Variants in NT5C3B observed in about 807,000 individuals in gnomAD.
NT5C3B encodes the protein 7-methylguanosine phosphate-specific 5'-nucleotidase.
A neutral mutation model predicts 32.5 loss-of-function variants in NT5C3B; 28 were observed. The ratio of observed to expected loss-of-function variants is 0.86; its 90% CI spans 0.64 to 1.18. The LOEUF (loss-of-function observed/expected upper bound fraction) is 1.18, where lower values mean the gene tolerates loss of function less well. Among genes scored for constraint, NT5C3B ranks in the 50% most tolerant of loss-of-function variants. The pLI is 0.00. For missense variants in NT5C3B, 317 were observed against 322.0 expected, an observed-to-expected ratio of 0.98 and a Z score of 0.12; for synonymous variants, 138 against 118.0, an observed-to-expected ratio of 1.17 and a Z score of -1.10.
intron 8 of NT5C3B, among the ~76,000 whole-genome samples, chr17:41,826,719 G>A (rs902582149): frequency 1.3e-5 from 2 of 151,694 alleles, no homozygotes; most frequent in African/African-American, 4.8e-5. Context: ...ATTTTATTTA[G>A]GCTGGGCGTG....
At chr17:41,835,736 G>A (rs1865841) in intron 2 of NT5C3B, 123 bp downstream of exon 2, 779,001 of 1,024,680 alleles carry the variant, frequency 0.76, 297,632 homozygotes, top group Admixed American at 0.86. Flanking sequence ...TCAAGCTCCC[G>A]GCCATTTCTT....
In NT5C3B at chr17:41,828,867, C is replaced by T; in HGVS notation, c.490G>A (p.Glu164Lys). The T allele has an allele frequency of 6.2e-7, 1 of 1,613,860 alleles. No individual in the cohort carries two copies. The highest frequency in any genetic ancestry group is 1.3e-5 in the African/African-American group (1 of 75,014). Residue 164 changes from glutamate (E) to lysine (K), a missense_variant, in exon 7 of 9, where the codon GAA (glutamate) becomes AAA (lysine). Coordinates refer to ENST00000435506, the MANE Select transcript of NT5C3B (RefSeq NM_052935.5). ...IFSAGIGDIL[E>K]EIIRQMKVFH... ...ACTTTCATCTGTCGGATAATTTCTTCCAGGATATCACCAATGCCCGCAGAA... is the reference window on the plus strand; with the variant it reads ...ACTTTCATCTGTCGGATAATTTCTTTCAGGATATCACCAATGCCCGCAGAA...
Position 41,830,789 on chromosome 17 carries a change from C to A in NT5C3B, c.404+12G>T. On this transcript the variant is annotated intron_variant, in intron 6 of 8. Coordinates refer to ENST00000435506, the MANE Select transcript of NT5C3B (RefSeq NM_052935.5). ...AGTCTGATAGAAATGTTTTCCAGAG[C>A]AAGACGCTTACCTGAGCATTGCATT... is the stretch of plus-strand genomic sequence containing the variant. 4.5e-6 allele frequency: 7 copies of A among 1,563,252 alleles called. No individual in the cohort carries two copies. Among genetic ancestry groups the A allele is most frequent in the Non-Finnish European group, 6.2e-6 (7 of 1,133,626 alleles).
chr17:41,835,939 C>A lies in NT5C3B; in HGVS notation c.31G>T (p.Ala11Ser), dbSNP rs782510651. 1.7e-5 allele frequency: 27 copies of A among 1,596,852 alleles called. No individual in the cohort carries two copies. Among genetic ancestry groups the A allele is most frequent in the Non-Finnish European group, 8.5e-6 (10 of 1,172,576 alleles). Residue 11 changes from alanine (A) to serine (S), a missense_variant, in exon 2 of 9, where the codon GCC becomes TCC. Ala to Ser is a moderately conservative substitution (Grantham distance 99, BLOSUM62 1). Transcript: ENST00000435506. ...CCAGGCTGCCGCATCAGGACCGTGG[C>A]CTTCATCAGGGTGCTCACCTGTCCC... MAEEVSTLMKATVLMRQPGRV... is the reference protein window; with the variant it reads MAEEVSTLMKSTVLMRQPGRV...
intron 7 of NT5C3B, among the ~76,000 whole-genome samples, chr17:41,828,038 C>G (rs1467777756): frequency 6.6e-6 from 1 of 152,214 alleles, no homozygotes; most frequent in African/African-American, 2.4e-5. Context: ...GATATAAATG[C>G]CACTCAGGTT....
Position 41,827,448 on chromosome 17 carries a change from T to G in NT5C3B, c.746A>C (p.Lys249Thr). Residue 249 changes from lysine to threonine, a missense_variant, in exon 8 of 9, where the codon AAA (lysine) becomes ACA (threonine). Physicochemically the swap from Lys to Thr is moderately conservative, Grantham distance 78. Coordinates refer to ENST00000435506, the MANE Select transcript of NT5C3B (RefSeq NM_052935.5). ...DGVPGVQNIL[K>T]IGFLNDKVEE... is the part of the protein sequence containing the mutation. ...CACCTTGTCATTCAGGAAGCCAATTTTGAGAATGTTCTGCACACCAGGAAC... is the reference window on the plus strand; with the variant it reads ...CACCTTGTCATTCAGGAAGCCAATTGTGAGAATGTTCTGCACACCAGGAAC... The G allele has an allele frequency of 1.1e-6, 1 of 872,858 alleles. No homozygotes were observed. Among genetic ancestry groups the G allele is most frequent in the Admixed American group, 1.7e-5 (1 of 59,184 alleles). The allele number at this position is 872,858 out of a possible 1,614,324, so 54.1% of individuals were successfully genotyped here. A position where few individuals can be genotyped will look rare whatever the true frequency, so the allele number is the denominator to read the frequency against.
chr17:41,834,976 T>A, intron 4 of NT5C3B, 94 bp downstream of exon 4: 1 of 1,243,672 alleles, frequency 8.0e-7, no homozygotes, highest in Admixed American at 2.0e-5. Flanking sequence ...ATTAATTTTC[T>A]AAGGTCTCTA....
At chr17:41,832,550 T>C (rs2048069902) in intron 4 of NT5C3B, 73 bp from the exon 5 acceptor site, 24 of 1,418,820 alleles carry the variant, frequency 1.7e-5, no homozygotes, top group Non-Finnish European at 2.4e-5. Context: ...TACAGCTTAG[T>C]ATGAGAAAAA....
At chr17:41,832,875 A>G (rs2048075694) in intron 4 of NT5C3B, among the ~76,000 whole-genome samples, 1 of 152,238 alleles carries the variant, frequency 6.6e-6, no homozygotes, top group Non-Finnish European at 1.5e-5. Context: ...TGTGTCTCAA[A>G]TAAAAAGAAG....
intron 3 of NT5C3B, 30 bp downstream of exon 3, chr17:41,835,173 C>T: frequency 6.2e-7 from 1 of 1,613,630 alleles, no homozygotes; most frequent in Non-Finnish European, 8.5e-7. Flanking sequence ...TCTTGTCAAG[C>T]TCAACAAGGG....
At chr17:41,828,633 G>C in intron 7 of NT5C3B, 157 bp downstream of exon 7, 1 of 685,968 alleles carries the variant, frequency 1.5e-6, no homozygotes, top group Non-Finnish European at 2.5e-6. Flanking sequence ...CACCGCGCCT[G>C]GCCAAAAAGT....
Position 41,828,867 on chromosome 17 carries a change from C to A in NT5C3B, c.490G>T (p.Glu164Ter). ...ACTTTCATCTGTCGGATAATTTCTT[C>A]CAGGATATCACCAATGCCCGCAGAA... ...IFSAGIGDILEEIIRQMKVFH... is the reference protein window; with the variant it reads ...IFSAGIGDIL Residue 164 changes from glutamate to a stop codon, truncating the protein, a stop_gained, in exon 7 of 9, where the codon GAA becomes TAA. Transcript: ENST00000435506. LOFTEE classifies it high-confidence loss of function. 6.2e-7 allele frequency: 1 copy of A among 1,613,860 alleles called. No individual in the cohort carries two copies.
At chr17:41,833,610 C>T (rs1555619366) in intron 4 of NT5C3B, among the ~76,000 whole-genome samples, 1 of 152,176 alleles carries the variant, frequency 6.6e-6, no homozygotes, top group African/African-American at 2.4e-5. Flanking sequence ...TGAACCACCA[C>T]ACCCGGCCTG....
chr17:41,835,389 A>C, intron 2 of NT5C3B, 117 bp from the exon 3 acceptor site: 1 of 844,304 alleles, frequency 1.2e-6, no homozygotes, highest in East Asian at 2.6e-5. Context: ...GATGTAGGCA[A>C]AGCCCTAGGG....
chr17:41,826,121 A>T (rs555409078), intron 8 of NT5C3B, among the ~76,000 whole-genome samples: 1 of 150,266 alleles, frequency 6.7e-6, no homozygotes, highest in South Asian at 2.1e-4. Flanking sequence ...GAGCCATGAC[A>T]CTCCAGCCTA....
rs181285552 is a variant in NT5C3B at position 41,825,268 on chromosome 17, G to T, written c.*255C>A. On this transcript the variant is annotated 3_prime_UTR_variant, in exon 9 of 9. Transcript: ENST00000435506. ...TTTAAAAATTTTGAAGAAAATCCCT[G>T]GAGTAGACAATCCCTAGAGCACTGA... is the stretch of plus-strand genomic sequence containing the variant. 1.2e-5 allele frequency: 5 copies of T among 433,364 alleles called. No homozygotes were observed. The East Asian group carries it at 1.7e-4, about 15-fold the overall frequency. The allele number at this position is 433,364 out of a possible 1,614,324, so 26.8% of individuals were successfully genotyped here. A position where few individuals can be genotyped will look rare whatever the true frequency, so the allele number is the denominator to read the frequency against.
In NT5C3B at chr17:41,836,197, G is replaced by C; in HGVS notation, c.-4C>G. 1.6e-6 allele frequency: 2 copies of C among 1,249,874 alleles called. No individual in the cohort carries two copies. The highest frequency in any genetic ancestry group is 2.0e-6 in the Non-Finnish European group (2 of 999,446). The allele number at this position is 1,249,874 out of a possible 1,614,324, so 77.4% of individuals were successfully genotyped here. On this transcript the variant is annotated 5_prime_UTR_variant, in exon 1 of 9. Coordinates refer to ENST00000435506, the MANE Select transcript of NT5C3B (RefSeq NM_052935.5). ...CCCTCCTCACCTCCTCTGCCATCCC[G>C]TTCGAGGCCTGGTCGGCGGCTCGCG...
At position 41,825,515 on chromosome 17, in the gene NT5C3B, C is replaced by T; in HGVS notation, c.*8G>A. 1 of 871,574 alleles carries T rather than the reference C, an allele frequency of 1.1e-6. No homozygotes were observed. Among genetic ancestry groups the T allele is most frequent in the Non-Finnish European group, 2.0e-6 (1 of 501,436 alleles). 54.0% of individuals were successfully genotyped at this position (871,574 alleles called of 1,614,324 possible). A position where few individuals can be genotyped will look rare whatever the true frequency, so the allele number is the denominator to read the frequency against. ...CACGGCCTGCAGGCCGGGCTGGAGC[C>T]TGCGCCTTCAGGGGCCTTGCATCTC... On this transcript the variant is annotated 3_prime_UTR_variant, in exon 9 of 9. Coordinates refer to ENST00000435506, the MANE Select transcript of NT5C3B (RefSeq NM_052935.5).
chr17:41,831,153 C>T lies in NT5C3B; in HGVS notation c.315-263G>A, dbSNP rs181201007. 7.0e-4 allele frequency among the ~76,000 whole-genome samples: 107 copies of T among 151,910 alleles called. 1 individual carries two copies. Among genetic ancestry groups the T allele is most frequent in the East Asian group, 5.6e-3 (29 of 5,168 alleles). On this transcript the variant is annotated intron_variant, in intron 5 of 8. Coordinates refer to ENST00000435506, the MANE Select transcript of NT5C3B (RefSeq NM_052935.5). ...GGCCAGCATGGTGAAACCCTGTCTC[C>T]GCTAAAAATACAAAAATTAGCTGGG...
Sources: allele counts gnomAD v4.1 joint callset (sites outside exome capture counted in the v4.1 genomes callset), GRCh38; gene constraint gnomAD v4.1.1; transcripts MANE v1.5; gene names NCBI Gene and HGNC (gene_info 2026-07-23, HGNC 2026-07-21).